Variants in ZNF385D observed in about 807,000 individuals in gnomAD.
The protein encoded by ZNF385D is zinc finger protein 659.
ZNF385D carries 15 observed loss-of-function variants against 35.8 expected under a neutral mutation model. That is an observed-to-expected ratio of 0.42 (90% CI 0.28 to 0.64). The LOEUF is 0.64. Among genes scored for constraint, ZNF385D ranks in the 30% least tolerant of loss-of-function variants. ZNF385D has a pLI of 0.23. For missense variants in ZNF385D, 474 were observed against 494.6 expected (o/e 0.96, Z 0.39); for synonymous variants, 212 against 186.8 (o/e 1.13, Z -1.10).
At chr3:21,920,864 G>A (rs1039576619) in intron 3 of ZNF385D, among the ~76,000 whole-genome samples, 1 of 151,980 alleles carries the variant, frequency 6.6e-6, no homozygotes, top group African/African-American at 2.4e-5. Flanking sequence ...TTCAATACAT[G>A]CAAACTTTAC....
chr3:21,774,176 T>A (rs2071193886), intron 3 of ZNF385D, among the ~76,000 whole-genome samples: 1 of 151,476 alleles, frequency 6.6e-6, no homozygotes, highest in African/African-American at 2.4e-5. Context: ...GGAACAGAAA[T>A]CAAATAGTGC....
intron 2 of ZNF385D, among the ~76,000 whole-genome samples, chr3:22,262,782 G>GT (rs1247665580): frequency 6.6e-6 from 1 of 151,752 alleles, no homozygotes; most frequent in Non-Finnish European, 1.5e-5. Context: ...GATAATTGAG[G>GT]TAAAATTAAC....
At chr3:22,210,742 C>T (rs1222842502) in intron 2 of ZNF385D, among the ~76,000 whole-genome samples, 3 of 151,860 alleles carry the variant, frequency 2.0e-5, no homozygotes, top group Non-Finnish European at 4.4e-5. Context: ...TTTCCCTCTA[C>T]ACCATTTACA....
At chr3:21,864,092 T>C (rs1697202228) in intron 3 of ZNF385D, among the ~76,000 whole-genome samples, 1 of 152,124 alleles carries the variant, frequency 6.6e-6, no homozygotes, top group South Asian at 2.1e-4. Flanking sequence ...TACCGATGAA[T>C]ATAGTTGTGT....
At chr3:21,821,745 C>A (rs9865999) in intron 3 of ZNF385D, among the ~76,000 whole-genome samples, 5 of 152,088 alleles carry the variant, frequency 3.3e-5, no homozygotes, top group African/African-American at 1.2e-4. Context: ...AGGACCATGT[C>A]AGCTCAGGAG....
At chr3:21,700,751 T>C (rs1276815842) in intron 1 of ZNF385D, among the ~76,000 whole-genome samples, 1 of 152,130 alleles carries the variant, frequency 6.6e-6, no homozygotes, top group African/African-American at 2.4e-5. Flanking sequence ...TGCAAGAAAA[T>C]CATGTTGGAA....
intron 2 of ZNF385D, 145 bp downstream of exon 2, chr3:21,664,741 A>C: frequency 3.5e-6 from 4 of 1,140,926 alleles, no homozygotes; most frequent in South Asian, 3.0e-5. Flanking sequence ...TAACCAAGCA[A>C]ACAACTAACT....
chr3:21,960,399 C>A (rs1394320969), intron 3 of ZNF385D, among the ~76,000 whole-genome samples: 2 of 152,056 alleles, frequency 1.3e-5, no homozygotes, highest in Non-Finnish European at 2.9e-5. Context: ...TCACCTCACC[C>A]CAGTTAGAAT....
chr3:21,932,905 G>A (rs1407256905), intron 3 of ZNF385D, among the ~76,000 whole-genome samples: 1 of 152,056 alleles, frequency 6.6e-6, no homozygotes, highest in Admixed American at 6.6e-5. Flanking sequence ...TTGTTACCTG[G>A]GCCTATCTTG....
At chr3:21,986,021 T>C (rs1468853099) in intron 3 of ZNF385D, among the ~76,000 whole-genome samples, 1 of 106,944 alleles carries the variant, frequency 9.4e-6, no homozygotes, top group Non-Finnish European at 1.8e-5. Flanking sequence ...ATATCCCCTT[T>C]ATCATTTTTT....
At chr3:21,918,349 C>T (rs1700295034) in intron 3 of ZNF385D, among the ~76,000 whole-genome samples, 1 of 152,150 alleles carries the variant, frequency 6.6e-6, no homozygotes. Context: ...TATTAATACT[C>T]CACTTTAAAG....
rs77029092 is a variant in ZNF385D at position 21,937,256 on chromosome 3, G to T, written c.325+231561C>A. ...CTTAAAAAAATAAAAGTACAATAAAGGTCTGTGATCCAGAACATCTTCAAT... is the reference window on the plus strand; with the variant it reads ...CTTAAAAAAATAAAAGTACAATAAATGTCTGTGATCCAGAACATCTTCAAT... On this transcript the variant is annotated intron_variant, in intron 3 of 5. Transcript: ENST00000494108. Among the ~76,000 whole-genome samples, 782 of 151,738 alleles carry T rather than the reference G, an allele frequency of 5.2e-3. 11 individuals carry two copies. The highest frequency in any genetic ancestry group is 0.018 in the African/African-American group (745 of 41,350).
At chr3:21,610,321 G>C (rs139063984) in intron 2 of ZNF385D, among the ~76,000 whole-genome samples, 1 of 152,122 alleles carries the variant, frequency 6.6e-6, no homozygotes, top group Non-Finnish European at 1.5e-5. Context: ...TTAAGCAATA[G>C]AGCAAGATAA....
At chr3:21,730,541 T>C (rs1387005030) in intron 1 of ZNF385D, among the ~76,000 whole-genome samples, 2 of 152,228 alleles carry the variant, frequency 1.3e-5, no homozygotes, top group Non-Finnish European at 2.9e-5. Flanking sequence ...TTAGAGCATC[T>C]ACTAAGTGTC....
At chr3:22,300,012 C>G (rs911401132) in intron 2 of ZNF385D, among the ~76,000 whole-genome samples, 2 of 151,842 alleles carry the variant, frequency 1.3e-5, no homozygotes, top group Non-Finnish European at 2.9e-5. Flanking sequence ...CAATCTTGAG[C>G]ACAAAGAACA....
chr3:22,181,781 C>T (rs534625230), intron 2 of ZNF385D, among the ~76,000 whole-genome samples: 1 of 151,894 alleles, frequency 6.6e-6, no homozygotes, highest in East Asian at 1.9e-4. Flanking sequence ...GATAGTAATG[C>T]CCATAGACTC....
At chr3:21,516,546 T>G (rs1707578384) in intron 3 of ZNF385D, among the ~76,000 whole-genome samples, 1 of 152,160 alleles carries the variant, frequency 6.6e-6, no homozygotes, top group Non-Finnish European at 1.5e-5. Flanking sequence ...AATTTAAATC[T>G]GCATAACACA....
chr3:21,877,669 T>A (rs897415849), intron 3 of ZNF385D, among the ~76,000 whole-genome samples: 1 of 151,992 alleles, frequency 6.6e-6, no homozygotes, highest in African/African-American at 2.4e-5. Context: ...CTAATTTTCT[T>A]AAGGGGCCTG....
intron 2 of ZNF385D, among the ~76,000 whole-genome samples, chr3:22,342,958 T>C (rs1695490776): frequency 6.6e-6 from 1 of 152,212 alleles, no homozygotes; most frequent in African/African-American, 2.4e-5. Flanking sequence ...ATTTAAAACA[T>C]GACCAGTCCA....
Sources: gnomAD v4.1 joint callset for allele counts (sites outside exome capture counted in the v4.1 genomes callset) on GRCh38, gnomAD v4.1.1 for gene constraint, MANE v1.5 for transcripts, NCBI Gene and HGNC (gene_info 2026-07-23, HGNC 2026-07-21) for gene names.